The following DCC variants were observed in gnomAD, a reference collection of about 807,000 sequenced individuals.
DCC encodes the protein DCC netrin 1 receptor, also known as netrin receptor DCC.
In DCC, 58 loss-of-function variants were observed where a neutral mutation model predicts 172.5. The observed-to-expected ratio is 0.34, with a 90% CI of 0.27 to 0.42. DCC has a LOEUF of 0.42. Ranked by LOEUF, DCC falls within the 10% of genes least tolerant of loss-of-function variation. The probability of loss-of-function intolerance (pLI) is 1.00; values close to 1 mark genes in which losing one functional copy is unlikely to be tolerated. For synonymous variants in DCC, 709 were observed against 644.5 expected (o/e 1.10, Z -1.52); for missense variants, 1,740 against 1,791.0 (o/e 0.97, Z 0.51).
chr18:52,414,934 G>A (rs1363761696), intron 1 of DCC, among the ~76,000 whole-genome samples: 1 of 152,208 alleles, frequency 6.6e-6, no homozygotes, highest in Non-Finnish European at 1.5e-5. Flanking sequence ...TACACACCAA[G>A]AAATTAGTCT....
chr18:52,433,685 T>C (rs972587006), intron 1 of DCC, among the ~76,000 whole-genome samples: 5 of 152,222 alleles, frequency 3.3e-5, no homozygotes, highest in African/African-American at 1.2e-4. Context: ...CAAGAGGTTA[T>C]TGGTAATCTA....
chr18:52,754,291 A>G (rs1197888507), intron 2 of DCC: 1 of 152,132 alleles, frequency 6.6e-6, no homozygotes, highest in African/African-American at 2.4e-5. Flanking sequence ...GTAGCTTCAA[A>G]CCACTCTTCT....
At chr18:52,751,500 C>T (rs571222616) in intron 1 of DCC, among the ~76,000 whole-genome samples, 2 of 152,288 alleles carry the variant, frequency 1.3e-5, no homozygotes, top group East Asian at 1.9e-4. Context: ...GCTTTATTGA[C>T]TTGCTTCTGC....
intron 5 of DCC, among the ~76,000 whole-genome samples, chr18:52,938,976 T>C (rs1831336868): frequency 6.6e-6 from 1 of 152,120 alleles, no homozygotes; most frequent in Non-Finnish European, 1.5e-5. Flanking sequence ...TCCAGTATGA[T>C]CTTGTGAAGA....
At chr18:52,454,853 T>C (rs1988411511) in intron 1 of DCC, among the ~76,000 whole-genome samples, 1 of 152,220 alleles carries the variant, frequency 6.6e-6, no homozygotes, top group African/African-American at 2.4e-5. Context: ...CCATAGTTTA[T>C]TGTCTACATT....
rs182918426 is a variant in DCC, at chr18:52,417,862, T to G, written c.91+76984T>G. Among the ~76,000 whole-genome samples the G allele has an allele frequency of 6.6e-5, 10 of 152,344 alleles. No individual in the cohort carries two copies. In the East Asian group the frequency reaches 1.7e-3, roughly 26 times the overall value. ...GTAGTTTGATCGTCTGAAGCCTTCT[T>G]CTCTCAACTCATCAAAGTCATTCTC... is the stretch of plus-strand genomic sequence containing the variant. On this transcript the variant is annotated intron_variant, in intron 1 of 28. Coordinates refer to ENST00000442544, the MANE Select transcript of DCC (RefSeq NM_005215.4).
chr18:52,717,200 G>T (rs2036397307), intron 1 of DCC, among the ~76,000 whole-genome samples: 1 of 152,092 alleles, frequency 6.6e-6, no homozygotes, highest in African/African-American at 2.4e-5. Context: ...ACAACCTTTG[G>T]TGCAGAGGGG....
intron 2 of DCC, among the ~76,000 whole-genome samples, chr18:52,830,218 C>T (rs2038588461): frequency 6.6e-6 from 1 of 152,178 alleles, no homozygotes; most frequent in South Asian, 2.1e-4. Flanking sequence ...CACATGCAGC[C>T]CATGACCGGT....
chr18:53,181,159 T>C (rs898400241), intron 9 of DCC, among the ~76,000 whole-genome samples: 1 of 152,214 alleles, frequency 6.6e-6, no homozygotes, highest in African/African-American at 2.4e-5. Flanking sequence ...TTTAAAAGCA[T>C]GCTCATTTTC....
At position 53,071,876 on chromosome 18, in the gene DCC, C is replaced by A. The variant is rs1285664347; in HGVS notation, c.1261+5710C>A. ...GGGTGCAGTGGCTCACGCCTGTAAT[C>A]CCAGCACCTTGGGAGGACAAGGTGG... On this transcript the variant is annotated intron_variant, in intron 7 of 28. Coordinates refer to ENST00000442544, the MANE Select transcript of DCC (RefSeq NM_005215.4). Among the ~76,000 whole-genome samples, 3 of 152,270 alleles carry A rather than the reference C, an allele frequency of 2.0e-5. No individual in the cohort carries two copies. In the East Asian group the frequency reaches 5.8e-4, roughly 29 times the overall value.
chr18:52,418,861 T>TCTTTCTTTCTTTCTTTCTTTC (rs71173393), intron 1 of DCC, among the ~76,000 whole-genome samples: 6 of 73,586 alleles, frequency 8.2e-5, no homozygotes, highest in East Asian at 1.7e-3. Context: ...TTTCTTTCTT[T>TCTTTCTTTCTTTCTTTCTTTC]TTTTTTTTTT....
At chr18:53,375,833 A>G (rs1459490030) in intron 15 of DCC, among the ~76,000 whole-genome samples, 2 of 152,078 alleles carry the variant, frequency 1.3e-5, no homozygotes, top group Non-Finnish European at 2.9e-5. Flanking sequence ...CGGCTTACCA[A>G]CTGGAGCAGG....
intron 2 of DCC, among the ~76,000 whole-genome samples, chr18:52,806,266 C>T (rs1005528487): frequency 6.6e-6 from 1 of 152,146 alleles, no homozygotes; most frequent in Admixed American, 6.5e-5. Flanking sequence ...ACCTCGCTCC[C>T]GTCAACATCC....
intron 8 of DCC, among the ~76,000 whole-genome samples, chr18:53,169,215 G>A (rs2144435883): frequency 6.6e-6 from 1 of 152,308 alleles, no homozygotes; most frequent in South Asian, 2.1e-4. Flanking sequence ...GAACATTATG[G>A]TTAGTGGGTC....
At chr18:53,392,088 A>G (rs907444740) in intron 17 of DCC, among the ~76,000 whole-genome samples, 2 of 152,226 alleles carry the variant, frequency 1.3e-5, no homozygotes, top group Non-Finnish European at 2.9e-5. Flanking sequence ...CAAGGTAGGA[A>G]AACATCAAGT....
At chr18:53,328,678 G>A (rs899832233) in intron 14 of DCC, among the ~76,000 whole-genome samples, 2 of 152,022 alleles carry the variant, frequency 1.3e-5, no homozygotes, top group Non-Finnish European at 2.9e-5. Context: ...ATGATTACAG[G>A]CATCCACCAC....
chr18:52,705,881 G>C (rs1316917132), intron 1 of DCC, among the ~76,000 whole-genome samples: 7 of 152,162 alleles, frequency 4.6e-5, no homozygotes, highest in African/African-American at 1.7e-4. Flanking sequence ...CATACGATTT[G>C]ATGCCTAGAT....
At chr18:52,823,607 C>A (rs2038450709) in intron 2 of DCC, among the ~76,000 whole-genome samples, 1 of 152,164 alleles carries the variant, frequency 6.6e-6, no homozygotes, top group Non-Finnish European at 1.5e-5. Context: ...TCACTCATTT[C>A]ACCAGGATTT....
In DCC at chr18:52,491,598, G is replaced by A. The variant is rs148396057; in HGVS notation, c.91+150720G>A. ...CGTAAGCCCAGAGAGCATTGAAGAA[G>A]GCATTTCAATAGTGCTGGTGAAAGA... On this transcript the variant is annotated intron_variant, in intron 1 of 28. Transcript: ENST00000442544. Among the ~76,000 whole-genome samples, 1,102 of 152,230 alleles carry A rather than the reference G, an allele frequency of 7.2e-3. 7 individuals carry two copies. The highest frequency in any genetic ancestry group is 9.6e-3 in the Admixed American group (146 of 15,250).
Sources: gnomAD v4.1 joint callset for allele counts (sites outside exome capture counted in the v4.1 genomes callset) on GRCh38, gnomAD v4.1.1 for gene constraint, MANE v1.5 for transcripts, NCBI Gene and HGNC (gene_info 2026-07-23, HGNC 2026-07-21) for gene names.